The following DYNC1LI1 variants were observed in gnomAD, a reference collection of about 807,000 sequenced individuals.
DYNC1LI1 encodes dynein cytoplasmic 1 light intermediate chain 1, also known as cytoplasmic dynein 1 light intermediate chain 1.
In DYNC1LI1, 19 loss-of-function variants were observed where a neutral mutation model predicts 63.8. The observed-to-expected ratio is 0.30, with a 90% CI of 0.21 to 0.44. The LOEUF is 0.44. Among genes scored for constraint, DYNC1LI1 ranks in the 20% least tolerant of loss-of-function variants. The pLI is 1.00. For synonymous variants in DYNC1LI1, 225 were observed against 232.3 expected (o/e 0.97, Z 0.28); for missense variants, 565 against 630.2 (o/e 0.90, Z 1.11).
At chr3:32,544,580 C>A (rs1181515311) in intron 4 of DYNC1LI1, among the ~76,000 whole-genome samples, 1 of 152,130 alleles carries the variant, frequency 6.6e-6, no homozygotes, top group East Asian at 1.9e-4. Flanking sequence ...CCAGCCTGGC[C>A]AATATGGTGA....
intron 2 of DYNC1LI1, among the ~76,000 whole-genome samples, chr3:32,567,868 T>G (rs1276453208): frequency 1.3e-5 from 2 of 152,094 alleles, no homozygotes; most frequent in African/African-American, 4.8e-5. Context: ...CATGCCCAGC[T>G]AATTTTTGTA....
At chr3:32,537,974 T>TTATATATAATATATATATAATTTA (rs1697810463) in intron 5 of DYNC1LI1, among the ~76,000 whole-genome samples, 5 of 20,524 alleles carry the variant, frequency 2.4e-4, no homozygotes, top group African/African-American at 8.5e-4. Context: ...ATATATATAT[T>TTATATATAATATATATATAATTTA]TATATATAAT....
At position 32,559,959 on chromosome 3, in the gene DYNC1LI1, T is replaced by C. The variant is rs564054742; in HGVS notation, c.220+10387A>G. 3.3e-5 allele frequency among the ~76,000 whole-genome samples: 5 copies of C among 152,240 alleles called. No homozygotes were observed. The East Asian group carries it at 9.7e-4, about 29-fold the overall frequency. The stretch of plus-strand genomic sequence containing the variant: ...GTAGGGTGAGGGACTTTAGGTGTGC[T>C]CCCCATCTCCTAGAGGGCATCTTCC... On this transcript the variant is annotated intron_variant, in intron 2 of 12. Transcript: ENST00000273130.
intron 2 of DYNC1LI1, among the ~76,000 whole-genome samples, chr3:32,569,328 T>C (rs1003030328): frequency 6.6e-6 from 1 of 152,206 alleles, no homozygotes; most frequent in East Asian, 1.9e-4. Flanking sequence ...AATAATCATA[T>C]ATTCTTGCTT....
chr3:32,563,845 C>T (rs967120318), intron 2 of DYNC1LI1, among the ~76,000 whole-genome samples: 2 of 152,208 alleles, frequency 1.3e-5, no homozygotes, highest in African/African-American at 2.4e-5. Context: ...TGTGCTCAAA[C>T]TATACCTAAC....
intron 11 of DYNC1LI1, 122 bp from the exon 12 acceptor site, chr3:32,528,723 A>C (rs1697656205): frequency 3.1e-6 from 3 of 955,146 alleles, no homozygotes; most frequent in Admixed American, 6.7e-5. Flanking sequence ...TTATATTCCA[A>C]ATTCAAGTCT....
chr3:32,546,309 G>C (rs1208326462), intron 2 of DYNC1LI1, among the ~76,000 whole-genome samples: 1 of 152,144 alleles, frequency 6.6e-6, no homozygotes, highest in East Asian at 1.9e-4. Flanking sequence ...TCAGGAGGCT[G>C]AGGCAGAAGA....
At chr3:32,534,251 T>TA (rs1407767824) in intron 7 of DYNC1LI1, among the ~76,000 whole-genome samples, 1 of 152,074 alleles carries the variant, frequency 6.6e-6, no homozygotes, top group Non-Finnish European at 1.5e-5. Context: ...AATAAGCAGA[T>TA]ACAATACACT....
chr3:32,537,231 G>A, intron 5 of DYNC1LI1, 127 bp from the exon 6 acceptor site: 1 of 492,468 alleles, frequency 2.0e-6, no homozygotes, highest in South Asian at 4.1e-5. Flanking sequence ...TGAATGAACA[G>A]CAGGACACAG....
Position 32,535,300 on chromosome 3 carries a change from G to C in DYNC1LI1, c.833-654C>G, listed in dbSNP as rs12638690. On this transcript the variant is annotated intron_variant, in intron 6 of 12. Coordinates refer to ENST00000273130, the MANE Select transcript of DYNC1LI1 (RefSeq NM_016141.4). ...GACCTTTTATCCAAAAGACACAGTG[G>C]ATGTAAATATTAAGACATCCATGGA... 5.6e-4 allele frequency among the ~76,000 whole-genome samples: 85 copies of C among 152,298 alleles called. 1 individual carries two copies. The East Asian group carries it at 0.012, about 22-fold the overall frequency.
At chr3:32,544,719 G>C (rs189801522) in intron 4 of DYNC1LI1, among the ~76,000 whole-genome samples, 157 bp downstream of exon 4, 122 of 151,104 alleles carry the variant, frequency 8.1e-4, no homozygotes, top group African/African-American at 2.8e-3. Context: ...TCCAGCCTGG[G>C]TGACAGAACA....
At chr3:32,568,791 T>C (rs1683088887) in intron 2 of DYNC1LI1, among the ~76,000 whole-genome samples, 1 of 152,252 alleles carries the variant, frequency 6.6e-6, no homozygotes, top group African/African-American at 2.4e-5. Context: ...CATGACAGTG[T>C]TTCCAAATAT....
chr3:32,570,472 G>C, intron 1 of DYNC1LI1, 53 bp from the exon 2 acceptor site: 2 of 1,528,176 alleles, frequency 1.3e-6, no homozygotes, highest in Non-Finnish European at 1.8e-6. Flanking sequence ...CGCAGCGCGG[G>C]AGGGACGGAC....
At chr3:32,532,842 A>G in intron 8 of DYNC1LI1, 144 bp downstream of exon 8, 2 of 1,338,492 alleles carry the variant, frequency 1.5e-6, no homozygotes, top group South Asian at 3.7e-5. Flanking sequence ...TAAACTGTAC[A>G]TTAGAAACAC....
chr3:32,559,451 A>G (rs2125444258), intron 2 of DYNC1LI1, among the ~76,000 whole-genome samples: 1 of 152,170 alleles, frequency 6.6e-6, no homozygotes, highest in South Asian at 2.1e-4. Flanking sequence ...GCTGCCCAGG[A>G]TGGTCTCAAA....
intron 2 of DYNC1LI1, among the ~76,000 whole-genome samples, chr3:32,549,493 A>T (rs561062706): frequency 6.6e-6 from 1 of 152,194 alleles, no homozygotes; most frequent in South Asian, 2.1e-4. Flanking sequence ...AGTTAAAATG[A>T]TATCAACTTG....
chr3:32,530,726 A>G (rs752366804), intron 8 of DYNC1LI1: 52 of 539,496 alleles, frequency 9.6e-5, no homozygotes, highest in Admixed American at 1.3e-4. Flanking sequence ...GAAATATTCT[A>G]TATCTGTGCT....
chr3:32,531,729 G>A (rs962053087), intron 8 of DYNC1LI1: 6 of 152,012 alleles, frequency 3.9e-5, no homozygotes, highest in African/African-American at 1.5e-4. Flanking sequence ...TATATTATGA[G>A]TGTTTGGATT....
At chr3:32,527,648 A>G (rs1419530757) in intron 12 of DYNC1LI1, among the ~76,000 whole-genome samples, 1 of 152,194 alleles carries the variant, frequency 6.6e-6, no homozygotes, top group Admixed American at 6.5e-5. Flanking sequence ...CAACCCAATA[A>G]TTCCACTTAG....
Sources: gnomAD v4.1 joint callset for allele counts (sites outside exome capture counted in the v4.1 genomes callset) on GRCh38, gnomAD v4.1.1 for gene constraint, MANE v1.5 for transcripts, NCBI Gene and HGNC (gene_info 2026-07-23, HGNC 2026-07-21) for gene names.